The following SDK1 variants were observed in gnomAD, a reference collection of about 807,000 sequenced individuals.
The protein encoded by SDK1 is protein sidekick-1.
In SDK1, 157 loss-of-function variants were observed where a neutral mutation model predicts 245.5. The observed-to-expected ratio is 0.64, with a 90% CI of 0.56 to 0.73. The LOEUF is 0.73. Ranked by LOEUF, SDK1 falls within the 30% of genes least tolerant of loss-of-function variation. The pLI, the probability that SDK1 is intolerant of heterozygous loss-of-function variation, is 0.00. For synonymous variants in SDK1, 1,647 were observed against 1,278.5 expected (o/e 1.29, Z -6.15); for missense variants, 3,583 against 3,002.3 (o/e 1.19, Z -4.52).
chr7:3,504,169 T>G (rs1162939751), intron 1 of SDK1, among the ~76,000 whole-genome samples: 11 of 136,652 alleles, frequency 8.0e-5, no homozygotes, highest in Non-Finnish European at 1.5e-4. Flanking sequence ...CCAAAAAAAT[T>G]ATATATATAT....
chr7:3,441,183 A>G (rs1013747845), intron 1 of SDK1, among the ~76,000 whole-genome samples: 1 of 152,172 alleles, frequency 6.6e-6, no homozygotes, highest in Non-Finnish European at 1.5e-5. Context: ...TTATAATTCT[A>G]TTTTATTACT....
At chr7:3,362,267 T>C (rs571074415) in intron 1 of SDK1, among the ~76,000 whole-genome samples, 3 of 152,328 alleles carry the variant, frequency 2.0e-5, no homozygotes, top group African/African-American at 4.8e-5. Context: ...CACAGATGTA[T>C]ATGTGAGCTG....
At chr7:3,394,831 T>A (rs1165100698) in intron 1 of SDK1, among the ~76,000 whole-genome samples, 9 of 152,106 alleles carry the variant, frequency 5.9e-5, no homozygotes, top group African/African-American at 2.2e-4. Context: ...TAATTGATTT[T>A]TATATATTGA....
intron 5 of SDK1, among the ~76,000 whole-genome samples, chr7:3,913,906 C>T (rs1004495247): frequency 2.6e-5 from 4 of 152,170 alleles, no homozygotes; most frequent in Non-Finnish European, 5.9e-5. Context: ...TGATTTGCCC[C>T]AGATTACACA....
At chr7:3,707,679 T>C (rs1476649437) in intron 4 of SDK1, among the ~76,000 whole-genome samples, 1 of 152,174 alleles carries the variant, frequency 6.6e-6, no homozygotes, top group African/African-American at 2.4e-5. Flanking sequence ...GTGTTTCTGT[T>C]TATCTCATCT....
chr7:3,346,054 C>T (rs997752912), intron 1 of SDK1, among the ~76,000 whole-genome samples: 1 of 152,170 alleles, frequency 6.6e-6, no homozygotes, highest in South Asian at 2.1e-4. Context: ...GTTTTTGGGT[C>T]TAATTTTTAA....
At chr7:4,114,741 G>T (rs1265770104) in intron 25 of SDK1, among the ~76,000 whole-genome samples, 1 of 152,134 alleles carries the variant, frequency 6.6e-6, no homozygotes, top group Non-Finnish European at 1.5e-5. Flanking sequence ...GTCTAAGGTG[G>T]GCGTTCCTGT....
intron 17 of SDK1, among the ~76,000 whole-genome samples, chr7:4,044,205 G>A (rs938585983): frequency 2.0e-5 from 3 of 152,222 alleles, no homozygotes; most frequent in Admixed American, 6.5e-5. Context: ...CTAGGAAAGC[G>A]GAAAGGCTGG....
chr7:3,424,454 T>G (rs1378759383), intron 1 of SDK1, among the ~76,000 whole-genome samples: 1 of 152,184 alleles, frequency 6.6e-6, no homozygotes, highest in Admixed American at 6.5e-5. Flanking sequence ...CAGGAAATCT[T>G]TTCACACTGA....
At chr7:3,436,719 C>G (rs1022558540) in intron 1 of SDK1, among the ~76,000 whole-genome samples, 19 of 151,994 alleles carry the variant, frequency 1.3e-4, no homozygotes, top group Non-Finnish European at 2.1e-4. Context: ...GAAGTAATTG[C>G]CACTAAATCG....
intron 4 of SDK1, among the ~76,000 whole-genome samples, chr7:3,700,777 A>G (rs899893125): frequency 4.6e-5 from 7 of 152,308 alleles, no homozygotes; most frequent in African/African-American, 1.7e-4. Context: ...CGATTCATCT[A>G]TACTTTTGCA....
chr7:3,571,080 A>G (rs1021288871), intron 1 of SDK1, among the ~76,000 whole-genome samples: 3 of 152,014 alleles, frequency 2.0e-5, no homozygotes, highest in Non-Finnish European at 2.9e-5. Flanking sequence ...TGAGATGTTC[A>G]TTTTTAAAAT....
chr7:3,741,331 C>T (rs1248238956), intron 4 of SDK1, among the ~76,000 whole-genome samples: 1 of 152,208 alleles, frequency 6.6e-6, no homozygotes, highest in Non-Finnish European at 1.5e-5. Flanking sequence ...GAATCCCCAG[C>T]CCCCTGTTCT....
intron 1 of SDK1, among the ~76,000 whole-genome samples, chr7:3,491,551 A>G (rs1202338372): frequency 6.6e-6 from 1 of 152,236 alleles, no homozygotes; most frequent in Non-Finnish European, 1.5e-5. Context: ...AACCATTGTG[A>G]TCGCAGTCTT....
chr7:3,390,813 C>T (rs963745467), intron 1 of SDK1, among the ~76,000 whole-genome samples: 5 of 152,248 alleles, frequency 3.3e-5, no homozygotes, highest in African/African-American at 1.2e-4. Context: ...GGACTTCTGG[C>T]CTCCAGAGCT....
chr7:3,646,675 T>C (rs1782848406), intron 4 of SDK1, among the ~76,000 whole-genome samples: 1 of 152,212 alleles, frequency 6.6e-6, no homozygotes, highest in Non-Finnish European at 1.5e-5. Context: ...TTGATTATTT[T>C]TTCCATACAT....
At chr7:3,468,570 C>T (rs2128597583) in intron 1 of SDK1, among the ~76,000 whole-genome samples, 1 of 152,256 alleles carries the variant, frequency 6.6e-6, no homozygotes, top group East Asian at 1.9e-4. Context: ...CATTGTCTGA[C>T]CTACGGTGTT....
intron 1 of SDK1, among the ~76,000 whole-genome samples, chr7:3,382,991 G>C (rs1781527763): frequency 6.6e-6 from 1 of 152,096 alleles, no homozygotes; most frequent in South Asian, 2.1e-4. Flanking sequence ...CCCAACTTAT[G>C]AATACCATAG....
chr7:4,131,836 G>A (rs1784842630), intron 27 of SDK1, among the ~76,000 whole-genome samples: 1 of 100,752 alleles, frequency 9.9e-6, no homozygotes, highest in Non-Finnish European at 2.2e-5. Context: ...AGAAATGATT[G>A]AGGATACACA....
Sources: gnomAD v4.1 joint callset for allele counts (sites outside exome capture counted in the v4.1 genomes callset) on GRCh38, gnomAD v4.1.1 for gene constraint, MANE v1.5 for transcripts, NCBI Gene and HGNC (gene_info 2026-07-23, HGNC 2026-07-21) for gene names.